AASS: variants seen among roughly 807,000 people sequenced by gnomAD.
AASS encodes alpha-aminoadipic semialdehyde synthase, mitochondrial.
In AASS, 86 loss-of-function variants were observed where a neutral mutation model predicts 105.4. The ratio of observed to expected loss-of-function variants is 0.82; its 90% confidence interval spans 0.69 to 0.98. AASS has a LOEUF of 0.98. AASS is among the 50% of genes least tolerant of loss of function. The pLI, the probability that AASS is intolerant of heterozygous loss-of-function variation, is 0.00. For synonymous variants in AASS, 381 were observed against 394.8 expected, an observed-to-expected ratio of 0.96 and a Z score of 0.41; for missense variants, 1,048 against 1,143.2, an observed-to-expected ratio of 0.92 and a Z score of 1.20.
At chr7:122,095,080 A>T (rs1378120860) in intron 15 of AASS, among the ~76,000 whole-genome samples, 2 of 152,046 alleles carry the variant, frequency 1.3e-5, no homozygotes, top group Non-Finnish European at 2.9e-5. Context: ...GCATCCAGTT[A>T]TATATTTATA....
At chr7:122,103,020 T>TA (rs1194049505) in intron 11 of AASS, among the ~76,000 whole-genome samples, 5 of 151,996 alleles carry the variant, frequency 3.3e-5, no homozygotes, top group Admixed American at 1.3e-4. Context: ...ATAACTTTTT[T>TA]AAAAAATGTA....
At chr7:122,117,770 T>C (rs1190561638) in intron 6 of AASS, among the ~76,000 whole-genome samples, 2 of 151,934 alleles carry the variant, frequency 1.3e-5, no homozygotes, top group Non-Finnish European at 2.9e-5. Context: ...ATTCTCCTGC[T>C]TCAGCCTCCT....
intron 15 of AASS, among the ~76,000 whole-genome samples, chr7:122,094,088 C>A (rs1794030007): frequency 6.6e-6 from 1 of 151,958 alleles, no homozygotes; most frequent in Non-Finnish European, 1.5e-5. Context: ...CTGAGGACTA[C>A]AAGAGGGAAG....
In AASS at chr7:122,116,536, T is replaced by G. The variant is rs1340832020; in HGVS notation, c.894+97A>C. 3 of 1,507,510 alleles carry G rather than the reference T, an allele frequency of 2.0e-6. No homozygotes were observed. The African/African-American group carries it at 4.1e-5, about 21-fold the overall frequency. The allele number at this position is 1,507,510 out of a possible 1,614,324, so 93.4% of individuals were successfully genotyped here. A position where few individuals can be genotyped will look rare whatever the true frequency, so the allele number is the denominator to read the frequency against. Reference sequence around the variant, plus strand: ...CCCAAAGGACTCACAACAGGAAAACTGAAAGCCATTGTACAATTCATAATT... The same window carrying G: ...CCCAAAGGACTCACAACAGGAAAACGGAAAGCCATTGTACAATTCATAATT... On this transcript the variant is annotated intron_variant, in intron 8 of 23. Transcript: ENST00000417368.
At chr7:122,127,917 A>G (rs956594108) in intron 3 of AASS, among the ~76,000 whole-genome samples, 3 of 152,152 alleles carry the variant, frequency 2.0e-5, no homozygotes, top group Non-Finnish European at 2.9e-5. Flanking sequence ...CTCTTAGATT[A>G]TCCCTTTGAA....
chr7:122,125,854 T>G (rs907044512), intron 4 of AASS, among the ~76,000 whole-genome samples: 11 of 152,188 alleles, frequency 7.2e-5, no homozygotes, highest in African/African-American at 2.7e-4. Flanking sequence ...CTTTTATTTT[T>G]TACATAAGGA....
At chr7:122,098,361 G>A in intron 15 of AASS, 89 bp downstream of exon 15, 1 of 1,484,958 alleles carries the variant, frequency 6.7e-7, no homozygotes, top group Non-Finnish European at 9.3e-7. Context: ...CTCCAAAGGA[G>A]TATGAAGAGA....
intron 23 of AASS, 111 bp downstream of exon 23, chr7:122,077,727 A>T: frequency 7.3e-7 from 1 of 1,369,056 alleles, no homozygotes; most frequent in Non-Finnish European, 1.0e-6. Flanking sequence ...AAGATGGTTC[A>T]CTTTTAGTAA....
rs1337806720 is a variant in AASS at position 122,129,419 on chromosome 7, G to A, written c.329C>T (p.Ser110Phe). ...GGCCTCCTGAGCTTTTATTGTGTGGGAGAAAAATGCATAAGTCTTCCTGGA... is the reference window on the plus strand; with the variant it reads ...GGCCTCCTGAGCTTTTATTGTGTGGAAGAAAAATGCATAAGTCTTCCTGGA... ...LMSRKTYAFF[S>F]HTIKAQEANM... Residue 110 changes from serine to phenylalanine, a missense_variant, in exon 3 of 24, where the codon TCC becomes TTC. Coordinates refer to ENST00000417368, the MANE Select transcript of AASS (RefSeq NM_005763.4). 2.5e-6 allele frequency: 4 copies of A among 1,613,056 alleles called. No homozygotes were observed. The highest frequency in any genetic ancestry group is 3.4e-6 in the Non-Finnish European group (4 of 1,179,488).
At chr7:122,078,727 G>A (rs1467408317) in intron 22 of AASS, 135 bp downstream of exon 22, 6 of 790,332 alleles carry the variant, frequency 7.6e-6, no homozygotes, top group Non-Finnish European at 1.3e-5. Flanking sequence ...TGGAAAAATA[G>A]TCCAATTGCC....
chr7:122,132,211 T>A (rs528602297), intron 2 of AASS, among the ~76,000 whole-genome samples: 1 of 152,282 alleles, frequency 6.6e-6, no homozygotes, highest in Admixed American at 6.5e-5. Context: ...AGAAATTGTT[T>A]AAACACTGAA....
At chr7:122,105,860 C>A (rs1794642774) in intron 11 of AASS, among the ~76,000 whole-genome samples, 1 of 151,710 alleles carries the variant, frequency 6.6e-6, no homozygotes, top group South Asian at 2.1e-4. Context: ...TTAGTAGACA[C>A]AAAGAAATAA....
At chr7:122,138,460 T>C (rs73224336) in intron 1 of AASS, among the ~76,000 whole-genome samples, 33,935 of 152,126 alleles carry the variant, frequency 0.22, 4,030 homozygotes, top group African/African-American at 0.31. Context: ...ATAAAAGTTA[T>C]GTAAATGTGG....
At chr7:122,082,198 T>A (rs1793369991) in intron 19 of AASS, among the ~76,000 whole-genome samples, 1 of 152,172 alleles carries the variant, frequency 6.6e-6, no homozygotes, top group Non-Finnish European at 1.5e-5. Flanking sequence ...ATTCCTCATA[T>A]GTCCTTCATT....
intron 2 of AASS, among the ~76,000 whole-genome samples, chr7:122,129,758 C>CATAT (rs139822555): frequency 4.0e-5 from 6 of 150,586 alleles, no homozygotes; most frequent in Non-Finnish European, 8.9e-5. Context: ...GAAAACACAG[C>CATAT]ATATATATAT....
At chr7:122,131,645 T>C (rs974782983) in intron 2 of AASS, among the ~76,000 whole-genome samples, 1 of 152,020 alleles carries the variant, frequency 6.6e-6, no homozygotes, top group African/African-American at 2.4e-5. Context: ...GGCAACTGTT[T>C]GTGTATATTT....
At chr7:122,139,786 T>G (rs1167635270) in intron 1 of AASS, among the ~76,000 whole-genome samples, 1 of 152,090 alleles carries the variant, frequency 6.6e-6, no homozygotes, top group African/African-American at 2.4e-5. Flanking sequence ...ACCCCATCTC[T>G]ACTAAAAATA....
rs542238724 is a variant in AASS at position 122,092,035 on chromosome 7, GT to G, written c.1876-193del. Among the ~76,000 whole-genome samples the G allele has an allele frequency of 4.2e-3, 634 of 151,646 alleles. 7 individuals are homozygous for G. The highest frequency in any genetic ancestry group is 0.014 in the African/African-American group (599 of 41,354). On this transcript the variant is annotated intron_variant, in intron 17 of 23. Transcript: ENST00000417368. The stretch of plus-strand genomic sequence containing the variant: ...AAATAACAGTTAATTTTATATATAT[GT>G]TTTTTTAAAAAAACTGTAAAAATAG...
intron 13 of AASS, among the ~76,000 whole-genome samples, chr7:122,101,108 C>T (rs1794406729): frequency 6.6e-6 from 1 of 151,720 alleles, no homozygotes; most frequent in Non-Finnish European, 1.5e-5. Flanking sequence ...AAGGACAATC[C>T]TTTTGGATTT....
Sources: allele counts gnomAD v4.1 joint callset (sites outside exome capture counted in the v4.1 genomes callset), GRCh38; gene constraint gnomAD v4.1.1; transcripts MANE v1.5; gene names NCBI Gene and HGNC (gene_info 2026-07-23, HGNC 2026-07-21).